The following DYNC2I2 variants were observed in gnomAD, a reference collection of about 807,000 sequenced individuals.
The protein encoded by DYNC2I2 is dynein 2 intermediate chain 2, also known as cytoplasmic dynein 2 intermediate chain 2.
In DYNC2I2, 39 loss-of-function variants were observed where a neutral mutation model predicts 52.0. The observed-to-expected ratio is 0.75, with a 90% confidence interval of 0.58 to 0.98. The LOEUF is 0.98. Among genes scored for constraint, DYNC2I2 ranks in the 50% least tolerant of loss-of-function variants. DYNC2I2 has a pLI of 0.00. For synonymous variants in DYNC2I2, 359 were observed against 321.1 expected (o/e 1.12, Z -1.26); for missense variants, 743 against 728.4 (o/e 1.02, Z -0.23).
upstream of DYNC2I2, chr9:128,656,869 G>A (rs1268850378): frequency 2.9e-5 from 24 of 827,492 alleles, no homozygotes; most frequent in Non-Finnish European, 3.9e-5. Flanking sequence ...CTGGAAGAAA[G>A]AAAAGTAACG....
chr9:128,650,561 G>A (rs1860702894), intron 1 of DYNC2I2, among the ~76,000 whole-genome samples: 1 of 47,390 alleles, frequency 2.1e-5, no homozygotes, highest in Admixed American at 2.3e-4. Context: ...CACCACGCCC[G>A]GCTAATTTTG....
At chr9:128,640,585 T>C (rs927005989) in intron 2 of DYNC2I2, 106 bp downstream of exon 2, 162 of 1,511,054 alleles carry the variant, frequency 1.1e-4, no homozygotes, top group Non-Finnish European at 1.4e-4. Flanking sequence ...TGGTGATTGC[T>C]GGCCGTGATG....
At position 128,634,750 on chromosome 9, in the gene DYNC2I2, G is replaced by C. The variant is rs777144586; in HGVS notation, c.1153C>G (p.Gln385Glu). 9.4e-6 allele frequency: 15 copies of C among 1,603,132 alleles called. No homozygotes were observed. The highest frequency in any genetic ancestry group is 8.6e-5 in the Admixed American group (5 of 58,042). ...CCGCCGTGGGGGGAGAAGGTAAACT[G>C]TGCTGGGGCCCGCAGGGGCACGGAG... Reference protein sequence around the residue: ...PSSVPLRAPAQFTFSPHGGPI... With the variant: ...PSSVPLRAPAEFTFSPHGGPI... The change falls in exon 7 of 9, where the codon CAG becomes GAG. Residue 385 changes from glutamine to glutamate, a missense_variant. Physicochemically the swap from Gln to Glu is conservative, Grantham distance 29. Transcript: ENST00000372715.
chr9:128,672,734 AC>A, the DYNC2I2 span, among the ~76,000 whole-genome samples: 1 of 151,966 alleles, frequency 6.6e-6, no homozygotes, highest in South Asian at 2.1e-4. Flanking sequence ...CATGTTAAAA[AC>A]CCTTTTTATT....
In DYNC2I2 at chr9:128,635,780, TGGACCTGGGCAGA is replaced by T. The variant is rs1382875562; in HGVS notation, c.704-26_704-14del. On this transcript the variant is annotated splice_polypyrimidine_tract_variant and intron_variant, in intron 4 of 8. Transcript: ENST00000372715. The stretch of plus-strand genomic sequence containing the variant: ...CTGTACAGCCCTCCTGCAGGGACAG[TGGACCTGGGCAGA>T]GGCTCAGCCCCACCCCCAGCCTGAC... The T allele has an allele frequency of 1.1e-5, 17 of 1,604,544 alleles. No homozygotes were observed. Among genetic ancestry groups the T allele is most frequent in the Non-Finnish European group, 1.3e-5 (15 of 1,175,034 alleles).
chr9:128,655,788 G>T (rs2132187755), intron 1 of DYNC2I2, among the ~76,000 whole-genome samples: 1 of 151,220 alleles, frequency 6.6e-6, no homozygotes, highest in East Asian at 2.0e-4. Context: ...GCGGCCGCCT[G>T]TAGTCCCAGC....
Position 128,635,672 on chromosome 9 carries a change from CTGTG to C in DYNC2I2, c.795_798del (p.His265GlnfsTer22). Reference sequence around the variant, plus strand: ...CCTGCCCTGACCTGGGACACAGGGTCTGTGTGGGTGTCATCCGTCAGGCCTGTGC... The same window carrying C: ...CCTGCCCTGACCTGGGACACAGGGTCTGGGTGTCATCCGTCAGGCCTGTGC... On this transcript the variant is annotated frameshift_variant, in exon 5 of 9. Coordinates refer to ENST00000372715, the MANE Select transcript of DYNC2I2 (RefSeq NM_052844.4). LOFTEE classifies it high-confidence loss of function. 1 of 1,608,450 alleles carries C rather than the reference CTGTG, an allele frequency of 6.2e-7. No individual in the cohort carries two copies.
chr9:128,636,227 G>A (rs1860409111), intron 4 of DYNC2I2, 54 bp downstream of exon 4: 4 of 1,550,966 alleles, frequency 2.6e-6, no homozygotes, highest in African/African-American at 1.4e-5. Context: ...GCCCTCTGCA[G>A]GGCGGGAAGC....
At chr9:128,679,298 T>G in the DYNC2I2 span, among the ~76,000 whole-genome samples, 1 of 151,928 alleles carries the variant, frequency 6.6e-6, no homozygotes, top group Non-Finnish European at 1.5e-5. Flanking sequence ...TCAAAATGCA[T>G]TAGAAGGAGC....
At chr9:128,641,972 T>TACACACAC (rs1190277603) in intron 1 of DYNC2I2, among the ~76,000 whole-genome samples, 5 of 141,044 alleles carry the variant, frequency 3.5e-5, no homozygotes, top group African/African-American at 1.4e-4. Flanking sequence ...TTCATTTATA[T>TACACACAC]ACATACACAC....
chr9:128,648,941 G>A (rs1860673084), intron 1 of DYNC2I2, among the ~76,000 whole-genome samples: 1 of 152,078 alleles, frequency 6.6e-6, no homozygotes, highest in African/African-American at 2.4e-5. Context: ...GGGAGTGAAA[G>A]CACACAAGAA....
At chr9:128,637,307 G>A (rs1281088990) in intron 2 of DYNC2I2, among the ~76,000 whole-genome samples, 1 of 152,262 alleles carries the variant, frequency 6.6e-6, no homozygotes, top group Non-Finnish European at 1.5e-5. Flanking sequence ...AGCCTCAGGG[G>A]CTGCAGCAGG....
At chr9:128,656,892 C>G (rs1006220959), upstream of DYNC2I2, 1 of 724,184 alleles carries the variant, frequency 1.4e-6, no homozygotes, top group Non-Finnish European at 2.0e-6. Flanking sequence ...TCTTCTCGGC[C>G]AGAGAGAGAA....
intron 2 of DYNC2I2, among the ~76,000 whole-genome samples, chr9:128,638,014 ATAG>A (rs897474305): frequency 8.5e-5 from 13 of 152,050 alleles, no homozygotes; most frequent in African/African-American, 3.1e-4. Context: ...AGGCAGGAGG[ATAG>A]CTTAAGCTCA....
Position 128,633,661 on chromosome 9 carries a change from A to C in DYNC2I2, c.*83T>G. 6.8e-7 allele frequency: 1 copy of C among 1,469,140 alleles called. No individual in the cohort carries two copies. The allele number at this position is 1,469,140 out of a possible 1,614,324, so 91.0% of individuals were successfully genotyped here. On this transcript the variant is annotated 3_prime_UTR_variant, in exon 9 of 9. Transcript: ENST00000372715. ...GACAAATAAATGATGACTTCCCCCA[A>C]AGCTTTGCTTTTCTTCATTTGGCTT...
At chr9:128,674,758 T>A in the DYNC2I2 span, among the ~76,000 whole-genome samples, 1 of 152,082 alleles carries the variant, frequency 6.6e-6, no homozygotes, top group African/African-American at 2.4e-5. Flanking sequence ...AAATAAAAAA[T>A]GTCTAGACAT....
the DYNC2I2 span, among the ~76,000 whole-genome samples, chr9:128,677,634 C>T: frequency 3.0e-3 from 453 of 149,496 alleles, 7 homozygotes; most frequent in East Asian, 0.034. Context: ...CCCGTCTCTA[C>T]TAAAAAAAAA....
chr9:128,674,295 C>T, the DYNC2I2 span, among the ~76,000 whole-genome samples: 5 of 151,870 alleles, frequency 3.3e-5, no homozygotes, highest in Admixed American at 6.6e-5. Flanking sequence ...CCACCACACC[C>T]GGCTAATTTT....
chr9:128,683,732 G>A, the DYNC2I2 span: 92 of 558,652 alleles, frequency 1.6e-4, no homozygotes, highest in Middle Eastern at 2.0e-3. Context: ...GAGGCTGGGG[G>A]AGGGGGCCGG....
Sources: gnomAD v4.1 joint callset for allele counts (sites outside exome capture counted in the v4.1 genomes callset) on GRCh38, gnomAD v4.1.1 for gene constraint, MANE v1.5 for transcripts, NCBI Gene and HGNC (gene_info 2026-07-23, HGNC 2026-07-21) for gene names.